DDX42: variants seen among roughly 807,000 people sequenced by gnomAD.
The protein encoded by DDX42 is DEAD-box helicase 42, also known as ATP-dependent RNA helicase DDX42.
Under a neutral mutation model 101.5 loss-of-function variants are expected in DDX42, and 22 were observed. The observed-to-expected ratio is 0.22, with a 90% CI of 0.15 to 0.31. The LOEUF (loss-of-function observed/expected upper bound fraction) is 0.31. Among genes scored for constraint, DDX42 ranks in the 10% least tolerant of loss-of-function variants. The probability of loss-of-function intolerance (pLI) is 1.00; values close to 1 mark genes in which losing one functional copy is unlikely to be tolerated. For synonymous variants in DDX42, 402 were observed against 401.2 expected, an observed-to-expected ratio of 1.00 and a Z score of -0.02; for missense variants, 849 against 1,199.9, an observed-to-expected ratio of 0.71 and a Z score of 4.32.
chr17:63,818,061 G>A lies in DDX42; in HGVS notation c.2480G>A (p.Arg827Gln), dbSNP rs764790872. The change falls in exon 18 of 18, where the codon CGG (arginine) becomes CAG (glutamine). Residue 827 changes from arginine to glutamine, a missense_variant. Around this residue, in one of 5 missense-constraint regions of DDX42, gnomAD observed 300 missense variants for 304.9 expected, o/e 0.98. Coordinates refer to ENST00000389924, the MANE Select transcript of DDX42 (RefSeq NM_203499.3). ...CACAGTCACGGAGAGACTGGCAATC[G>A]GCATAGCGATAGTCCACGTCACGGA... Reference protein sequence around the residue: ...SRHSHGETGNRHSDSPRHGDG... With the variant: ...SRHSHGETGNQHSDSPRHGDG... The A allele has an allele frequency of 1.7e-5, 27 of 1,613,880 alleles. No homozygotes were observed. The highest frequency in any genetic ancestry group is 3.3e-5 in the South Asian group (3 of 91,084).
Position 63,809,784 on chromosome 17 carries a change from T to C in DDX42, c.1252+125T>C, listed in dbSNP as rs115711741. 1,774 of 667,928 alleles carry C rather than the reference T, an allele frequency of 2.7e-3. 21 individuals carry two copies. The highest frequency in any genetic ancestry group is 0.026 in the African/African-American group (1,421 of 55,310). The allele number at this position is 667,928 out of a possible 1,614,324, so 41.4% of individuals were successfully genotyped here. On this transcript the variant is annotated intron_variant, in intron 11 of 17. Coordinates refer to ENST00000389924, the MANE Select transcript of DDX42 (RefSeq NM_203499.3). ...AATACTCCTGGATGGGGTTAGACTA[T>C]AGAAATATAGCTAAGATGAACATTT...
intron 3 of DDX42, among the ~76,000 whole-genome samples, chr17:63,797,193 A>G (rs1350853662): frequency 6.6e-6 from 1 of 152,024 alleles, no homozygotes; most frequent in Non-Finnish European, 1.5e-5. Context: ...CTCTACTAAA[A>G]ATACAAAATT....
At chr17:63,807,487 T>G (rs1232760298) in intron 8 of DDX42, among the ~76,000 whole-genome samples, 1 of 152,226 alleles carries the variant, frequency 6.6e-6, no homozygotes. Flanking sequence ...GTTTCTGTTC[T>G]GTAAGTGGTG....
At position 63,815,586 on chromosome 17, in the gene DDX42, A is replaced by T. The variant is rs1424086002; in HGVS notation, c.1926A>T (p.Arg642=). ...AMQNAWFRKS[R]FKGGKGKKLN... The stretch of plus-strand genomic sequence containing the variant: ...AGAATGCCTGGTTTCGGAAATCTCG[A>T]TTCAAAGGAGGGAAAGGAAAAAAGC... The change falls in exon 16 of 18, where the codon CGA becomes CGT. Residue 642 remains arginine, a synonymous_variant. Coordinates refer to ENST00000389924, the MANE Select transcript of DDX42 (RefSeq NM_203499.3). 1.2e-6 allele frequency: 2 copies of T among 1,613,830 alleles called. No homozygotes were observed. The highest frequency in any genetic ancestry group is 4.5e-5 in the East Asian group (2 of 44,870).
At chr17:63,796,410 G>A (rs911768126) in intron 3 of DDX42, among the ~76,000 whole-genome samples, 5 of 152,082 alleles carry the variant, frequency 3.3e-5, no homozygotes, top group South Asian at 4.1e-4. Context: ...CCCGGGTCCC[G>A]GGTTCAAGCG....
chr17:63,778,506 G>C (rs536761951), intron 1 of DDX42, among the ~76,000 whole-genome samples: 1 of 152,190 alleles, frequency 6.6e-6, no homozygotes, highest in Non-Finnish European at 1.5e-5. Flanking sequence ...GGGCCAGACT[G>C]TGAACTCTGA....
chr17:63,784,636 T>C (rs1257320955), intron 1 of DDX42, among the ~76,000 whole-genome samples: 4 of 152,090 alleles, frequency 2.6e-5, no homozygotes, highest in Non-Finnish European at 5.9e-5. Flanking sequence ...AACCCAGGCA[T>C]GGTGGCTCAT....
chr17:63,806,128 C>G (rs1233622126), intron 7 of DDX42: 3 of 154,400 alleles, frequency 1.9e-5, no homozygotes, highest in African/African-American at 7.3e-5. Flanking sequence ...TATTTGGAGC[C>G]CACTTGGAAT....
Position 63,812,101 on chromosome 17 carries a change from A to G in DDX42, c.1568A>G (p.His523Arg), listed in dbSNP as rs750160916. 4.8e-5 allele frequency: 77 copies of G among 1,614,144 alleles called. No homozygotes were observed. Among genetic ancestry groups the G allele is most frequent in the Non-Finnish European group, 6.0e-5 (71 of 1,180,052 alleles). ...GCGAATAACCTTAAACAGGAGGGTC[A>G]TAATCTTGGGCTGCTCCATGGGGAT... ...ELANNLKQEG[H>R]NLGLLHGDMD... The change falls in exon 14 of 18, where the codon CAT becomes CGT. Residue 523 changes from histidine (H) to arginine (R), a missense_variant. By Grantham distance (29) the His-to-Arg change is conservative. Around this residue, in one of 5 missense-constraint regions of DDX42, gnomAD observed 370 missense variants for 608.8 expected, o/e 0.61. Transcript: ENST00000389924.
At chr17:63,775,570 A>C (rs981814638) in intron 1 of DDX42, among the ~76,000 whole-genome samples, 1 of 152,184 alleles carries the variant, frequency 6.6e-6, no homozygotes, top group Non-Finnish European at 1.5e-5. Context: ...TAGAAGGTGG[A>C]GTGAGAGCCT....
chr17:63,778,890 C>T (rs1357655211), intron 1 of DDX42, among the ~76,000 whole-genome samples: 9 of 152,078 alleles, frequency 5.9e-5, no homozygotes, highest in African/African-American at 7.2e-5. Flanking sequence ...CCGTCCACCT[C>T]GGCCTCCCAA....
intron 3 of DDX42, among the ~76,000 whole-genome samples, chr17:63,794,977 T>C (rs373157703): frequency 6.6e-6 from 1 of 151,706 alleles, no homozygotes; most frequent in South Asian, 2.1e-4. Flanking sequence ...TAATTAGTTA[T>C]GAAATAAAAT....
chr17:63,796,062 T>C (rs1718196603), intron 3 of DDX42, among the ~76,000 whole-genome samples: 1 of 152,226 alleles, frequency 6.6e-6, no homozygotes, highest in African/African-American at 2.4e-5. Flanking sequence ...AATAAATGAA[T>C]TGTCATCTTT....
chr17:63,811,227 G>T, intron 13 of DDX42, 54 bp downstream of exon 13: 1 of 1,276,212 alleles, frequency 7.8e-7, no homozygotes, highest in South Asian at 1.4e-5. Context: ...CTCATATTAT[G>T]GAACACAGAA....
intron 2 of DDX42, among the ~76,000 whole-genome samples, chr17:63,788,586 G>A (rs2039580018): frequency 6.6e-6 from 1 of 152,054 alleles, no homozygotes; most frequent in Admixed American, 6.6e-5. Context: ...GATTATACAG[G>A]CGTGAGCCAC....
chr17:63,803,400 C>T (rs2069675137), intron 6 of DDX42, among the ~76,000 whole-genome samples: 1 of 151,574 alleles, frequency 6.6e-6, no homozygotes, highest in African/African-American at 2.4e-5. Context: ...ACCAGCCTGG[C>T]CAACATGGTG....
intron 14 of DDX42, 67 bp downstream of exon 14, chr17:63,812,275 A>C: frequency 6.5e-7 from 1 of 1,539,572 alleles, no homozygotes; most frequent in Non-Finnish European, 8.7e-7. Flanking sequence ...TTACTACATA[A>C]GACCTATAAT....
chr17:63,819,231 A>G lies in DDX42; in HGVS notation c.*833A>G, dbSNP rs902978212. 1.3e-5 allele frequency: 2 copies of G among 152,644 alleles called. No individual in the cohort carries two copies. The highest frequency in any genetic ancestry group is 6.5e-5 in the Admixed American group (1 of 15,282). 9.5% of individuals were successfully genotyped at this position (152,644 alleles called of 1,614,324 possible). A position where few individuals can be genotyped will look rare whatever the true frequency, so the allele number is the denominator to read the frequency against. ...TTATAAAAAGGAAAAGAAATATACA[A>G]ACTTTGACTTTTGTGACTTTGTGAA... On this transcript the variant is annotated 3_prime_UTR_variant, in exon 18 of 18. Transcript: ENST00000389924.
rs2040013125 is a variant in DDX42, at chr17:63,818,859, T to TG, written c.*461_*462insG. On this transcript the variant is annotated 3_prime_UTR_variant, in exon 18 of 18. Transcript: ENST00000389924. ...ATTGAGCTAACTGTTGGGGAGCAAT[T>TG]TGGTAGTTGTAGACATTTGCAGGGA... 6.3e-6 allele frequency: 1 copy of TG among 159,154 alleles called. No individual in the cohort carries two copies. 9.9% of individuals were successfully genotyped at this position (159,154 alleles called of 1,614,324 possible). A position where few individuals can be genotyped will look rare whatever the true frequency, so the allele number is the denominator to read the frequency against.
Sources: gnomAD v4.1 joint callset for allele counts (sites outside exome capture counted in the v4.1 genomes callset) on GRCh38, gnomAD v4.1.1 for gene constraint, gnomAD v4.1.1 regional missense constraint, MANE v1.5 for transcripts, NCBI Gene and HGNC (gene_info 2026-07-23, HGNC 2026-07-21) for gene names.